The following ESRP1 variants were observed in gnomAD, a reference collection of about 807,000 sequenced individuals.
The protein encoded by ESRP1 is epithelial splicing regulatory protein 1, also known as RNA-binding motif protein 35A.
ESRP1 carries 33 observed loss-of-function variants against 81.7 expected under a neutral mutation model. The ratio of observed to expected loss-of-function variants is 0.40; its 90% CI spans 0.31 to 0.54. ESRP1 has a LOEUF of 0.54. Among genes scored for constraint, ESRP1 ranks in the 20% least tolerant of loss-of-function variants. ESRP1 has a pLI of 0.41. For missense variants in ESRP1, 672 were observed against 833.1 expected (o/e 0.81, Z 2.38); for synonymous variants, 320 against 303.3 (o/e 1.06, Z -0.57).
chr8:94,642,379 C>A (rs376663891), intron 2 of ESRP1, among the ~76,000 whole-genome samples: 1 of 152,350 alleles, frequency 6.6e-6, no homozygotes, highest in South Asian at 2.1e-4. Flanking sequence ...GATTGACGTG[C>A]GGAGTTTGAA....
At chr8:94,678,847 A>ATC (rs1808748981) in intron 13 of ESRP1, among the ~76,000 whole-genome samples, 2 of 152,202 alleles carry the variant, frequency 1.3e-5, no homozygotes, top group Non-Finnish European at 1.5e-5. Context: ...ATCCAGAATT[A>ATC]GATTATTTAG....
In ESRP1 at chr8:94,671,666, C is replaced by T. The variant is rs1427069577; in HGVS notation, c.1447C>T (p.His483Tyr). Residue 483 changes from histidine to tyrosine, a missense_variant, in exon 11 of 16, where the codon CAC becomes TAC. Coordinates refer to ENST00000433389, the MANE Select transcript of ESRP1 (RefSeq NM_017697.4). The stretch of plus-strand genomic sequence containing the variant: ...TCATGGGGTTCACATGGTTTTGAAT[C>T]ACCAGGTAAGAAAGATACTTAGTGG... Reference protein sequence around the residue: ...RTHGVHMVLNHQGRPSGDAFI... With the variant: ...RTHGVHMVLNYQGRPSGDAFI... The T allele has an allele frequency of 1.2e-6, 2 of 1,613,166 alleles. No individual in the cohort carries two copies. The highest frequency in any genetic ancestry group is 2.2e-5 in the East Asian group (1 of 44,864).
At chr8:94,662,186 C>T in intron 4 of ESRP1, 86 bp from the exon 5 acceptor site, 3 of 774,384 alleles carry the variant, frequency 3.9e-6, no homozygotes, top group Non-Finnish European at 6.1e-6. Flanking sequence ...CCATCTTCTT[C>T]CTCTTGGCTT....
At chr8:94,659,676 G>A (rs949521605) in intron 4 of ESRP1, among the ~76,000 whole-genome samples, 2 of 152,172 alleles carry the variant, frequency 1.3e-5, no homozygotes, top group Non-Finnish European at 2.9e-5. Flanking sequence ...TTGTCAAGTT[G>A]CGTAAAGGAA....
chr8:94,687,623 G>T (rs948265430), intron 13 of ESRP1, among the ~76,000 whole-genome samples: 4 of 152,004 alleles, frequency 2.6e-5, no homozygotes, highest in Non-Finnish European at 4.4e-5. Flanking sequence ...CATTTTCTTG[G>T]GTGTGGGTTT....
At chr8:94,694,420 A>G (rs1225716883) in intron 14 of ESRP1, among the ~76,000 whole-genome samples, 1 of 152,182 alleles carries the variant, frequency 6.6e-6, no homozygotes, top group African/African-American at 2.4e-5. Context: ...CAGCCTGACC[A>G]ACATGAAACC....
intron 13 of ESRP1, among the ~76,000 whole-genome samples, chr8:94,682,338 G>A (rs887699587): frequency 6.6e-6 from 1 of 151,976 alleles, no homozygotes; most frequent in East Asian, 1.9e-4. Flanking sequence ...CTTTTCGTAC[G>A]ACATTATAAA....
intron 13 of ESRP1, among the ~76,000 whole-genome samples, chr8:94,679,603 G>C (rs1189256619): frequency 6.6e-6 from 1 of 152,172 alleles, no homozygotes; most frequent in Non-Finnish European, 1.5e-5. Context: ...AGAAGGAACT[G>C]ACATTTATGG....
intron 4 of ESRP1, among the ~76,000 whole-genome samples, chr8:94,651,423 C>T (rs1035280422): frequency 1.3e-5 from 2 of 151,898 alleles, no homozygotes; most frequent in Non-Finnish European, 2.9e-5. Context: ...GAAGAGGACA[C>T]TAAAACCCAA....
At chr8:94,654,393 G>A (rs10956922) in intron 4 of ESRP1, among the ~76,000 whole-genome samples, 100,055 of 152,020 alleles carry the variant, frequency 0.66, 33,412 homozygotes, top group East Asian at 0.96. Flanking sequence ...AGAAAGCTTC[G>A]GAAGACTTGT....
At chr8:94,689,757 C>T (rs1016450129) in intron 13 of ESRP1, among the ~76,000 whole-genome samples, 10 of 148,020 alleles carry the variant, frequency 6.8e-5, no homozygotes, top group Admixed American at 2.7e-4. Flanking sequence ...AAGTGATTCT[C>T]GTGCCTCAGC....
In ESRP1 at chr8:94,674,505, A is replaced by G. The variant is rs10088078; in HGVS notation, c.1650A>G (p.Pro550=). The part of the protein sequence containing the change: ...NGLSPPPCKL[P]CLSPPSYTFP... ...TATCCCCACCGCCATGTAAGTTACC[A>G]TGTAAGTTTTTCTTGGGTCTTGGCG... The change falls in exon 12 of 16, where the codon CCA becomes CCG. Residue 550 remains proline, a splice_region_variant and synonymous_variant. Coordinates refer to ENST00000433389, the MANE Select transcript of ESRP1 (RefSeq NM_017697.4). 1 of 1,611,446 alleles carries G rather than the reference A, an allele frequency of 6.2e-7. No individual in the cohort carries two copies. The highest frequency in any genetic ancestry group is 1.7e-5 in the Admixed American group (1 of 59,266).
chr8:94,662,427 C>T (rs1818793211), intron 5 of ESRP1, 57 bp downstream of exon 5: 1 of 1,538,482 alleles, frequency 6.5e-7, no homozygotes, highest in Non-Finnish European at 8.8e-7. Flanking sequence ...TTTCTCTTAC[C>T]TATACTCAAA....
chr8:94,686,699 T>A (rs1159824274), intron 13 of ESRP1, among the ~76,000 whole-genome samples: 1 of 152,318 alleles, frequency 6.6e-6, no homozygotes, highest in South Asian at 2.1e-4. Context: ...AGTTACATTA[T>A]TGACACAATG....
intron 15 of ESRP1, among the ~76,000 whole-genome samples, chr8:94,703,315 C>A (rs1379200097): frequency 1.3e-5 from 2 of 151,818 alleles, no homozygotes; most frequent in Non-Finnish European, 2.9e-5. Flanking sequence ...CCGCTACTCC[C>A]AGCTTATTTA....
intron 12 of ESRP1, among the ~76,000 whole-genome samples, chr8:94,676,725 C>CCTGCCCTTGTGAT (rs1586223459): frequency 6.6e-6 from 1 of 151,890 alleles, no homozygotes; most frequent in East Asian, 2.0e-4. Context: ...GTCTGGATCT[C>CCTGCCCTTGTGAT]CTGCCCTTGT....
chr8:94,664,704 A>C lies in ESRP1; in HGVS notation c.652A>C (p.Met218Leu). 6.2e-7 allele frequency: 1 copy of C among 1,613,616 alleles called. No homozygotes were observed. The highest frequency in any genetic ancestry group is 8.5e-7 in the Non-Finnish European group (1 of 1,179,554). ...YKFESGTCSK[M>L]ELIDDNTVVR... ...GTTTTGCTTCATCCACAGCAGCAAG[A>C]TGGAACTTATTGATGATAACACCGT... Residue 218 changes from methionine to leucine, a missense_variant, in exon 7 of 16, where the codon ATG (methionine) becomes CTG (leucine). Transcript: ENST00000433389.
intron 3 of ESRP1, among the ~76,000 whole-genome samples, chr8:94,644,524 A>T (rs984550655): frequency 2.6e-5 from 4 of 152,174 alleles, no homozygotes; most frequent in Admixed American, 6.5e-5. Flanking sequence ...GAATTTTTTT[A>T]AAAAATTAAA....
Position 94,701,759 on chromosome 8 carries a change from G to A in ESRP1, c.*36-4166G>A, listed in dbSNP as rs544509054. On this transcript the variant is annotated intron_variant, in intron 15 of 15. Transcript: ENST00000433389. ...TGTGCCTGGCCAAGTTCCAAGTTTCGTATCTGTTAGGTCTCAAAGGCAATG... is the reference window on the plus strand; with the variant it reads ...TGTGCCTGGCCAAGTTCCAAGTTTCATATCTGTTAGGTCTCAAAGGCAATG... Among the ~76,000 whole-genome samples the A allele has an allele frequency of 3.5e-4, 53 of 152,116 alleles. 1 individual carries two copies. The highest frequency in any genetic ancestry group is 1.1e-3 in the African/African-American group (44 of 41,516).
Sources: allele counts gnomAD v4.1 joint callset (sites outside exome capture counted in the v4.1 genomes callset), GRCh38; gene constraint gnomAD v4.1.1; transcripts MANE v1.5; gene names NCBI Gene and HGNC (gene_info 2026-07-23, HGNC 2026-07-21).